Variants in PTPRM observed in about 807,000 individuals in gnomAD.
PTPRM encodes the protein receptor-type tyrosine-protein phosphatase mu.
In PTPRM, 47 loss-of-function variants were observed where a neutral mutation model predicts 186.7. The ratio of observed to expected loss-of-function variants is 0.25; its 90% CI spans 0.20 to 0.32. PTPRM has a LOEUF of 0.32. Ranked by LOEUF, PTPRM falls within the 10% of genes least tolerant of loss-of-function variation. The probability of loss-of-function intolerance (pLI) is 1.00; values close to 1 mark genes in which losing one functional copy is unlikely to be tolerated. For synonymous variants in PTPRM, 668 were observed against 674.9 expected (o/e 0.99, Z 0.16); for missense variants, 1,494 against 1,865.0 (o/e 0.80, Z 3.66).
intron 20 of PTPRM, among the ~76,000 whole-genome samples, chr18:8,301,386 T>C (rs1568698591): frequency 6.6e-6 from 1 of 151,920 alleles, no homozygotes; most frequent in Non-Finnish European, 1.5e-5. Flanking sequence ...CTCCTAATAC[T>C]CTCAACAGTT....
intron 1 of PTPRM, among the ~76,000 whole-genome samples, chr18:7,771,254 C>T (rs757489183): frequency 2.6e-5 from 4 of 152,202 alleles, no homozygotes; most frequent in Non-Finnish European, 5.9e-5. Context: ...TCTGTTTCCA[C>T]TGGGGGACCT....
chr18:7,897,456 A>C (rs543872264), intron 3 of PTPRM, among the ~76,000 whole-genome samples: 3 of 152,198 alleles, frequency 2.0e-5, no homozygotes, highest in Non-Finnish European at 4.4e-5. Flanking sequence ...CAAGCAGGAA[A>C]GCTAGTCTAG....
intron 11 of PTPRM, among the ~76,000 whole-genome samples, chr18:8,097,612 T>C (rs114384054): frequency 1.7e-4 from 26 of 152,312 alleles, no homozygotes; most frequent in African/African-American, 6.3e-4. Flanking sequence ...ATAAAAGCTG[T>C]CTAGAAAAGT....
At chr18:8,144,433 G>A (rs2092834208) in intron 14 of PTPRM, among the ~76,000 whole-genome samples, 1 of 152,122 alleles carries the variant, frequency 6.6e-6, no homozygotes. Context: ...ACCAGCCTGG[G>A]CAACATGACA....
chr18:7,610,691 G>A (rs1327697464), intron 1 of PTPRM, among the ~76,000 whole-genome samples: 2 of 152,186 alleles, frequency 1.3e-5, no homozygotes, highest in Non-Finnish European at 2.9e-5. Flanking sequence ...TGTGTTTGTG[G>A]TGATGCTGGT....
intron 14 of PTPRM, among the ~76,000 whole-genome samples, chr18:8,241,149 G>A (rs1568586061): frequency 6.6e-6 from 1 of 152,058 alleles, no homozygotes; most frequent in Non-Finnish European, 1.5e-5. Flanking sequence ...CCAACATGGC[G>A]AAACCCCACC....
chr18:7,693,140 C>G (rs1468430090), intron 1 of PTPRM, among the ~76,000 whole-genome samples: 1 of 152,136 alleles, frequency 6.6e-6, no homozygotes, highest in African/African-American at 2.4e-5. Context: ...GGACTGCAGA[C>G]CAGCCTGCCT....
chr18:7,939,049 T>C (rs571818506), intron 5 of PTPRM, among the ~76,000 whole-genome samples: 104 of 152,312 alleles, frequency 6.8e-4, no homozygotes, highest in African/African-American at 2.3e-3. Flanking sequence ...AGATTCTTCT[T>C]TGAGATGTTC....
chr18:7,896,301 C>T (rs975996478), intron 3 of PTPRM, among the ~76,000 whole-genome samples: 1 of 152,158 alleles, frequency 6.6e-6, no homozygotes, highest in African/African-American at 2.4e-5. Flanking sequence ...TTTGATTCTG[C>T]ACCCCCGCCT....
At chr18:8,006,745 G>C (rs2084210886) in intron 7 of PTPRM, among the ~76,000 whole-genome samples, 1 of 152,150 alleles carries the variant, frequency 6.6e-6, no homozygotes, top group Non-Finnish European at 1.5e-5. Context: ...ACAGTTCTTT[G>C]TCTTCCCTGG....
At chr18:8,118,811 A>AAAAATATATATAT (rs372020679) in intron 13 of PTPRM, among the ~76,000 whole-genome samples, 7 of 128,370 alleles carry the variant, frequency 5.5e-5, no homozygotes, top group African/African-American at 2.0e-4. Context: ...AAAAAAAAAA[A>AAAAATATATATAT]ATATATATAT....
intron 14 of PTPRM, among the ~76,000 whole-genome samples, chr18:8,225,353 C>T (rs2094200573): frequency 6.6e-6 from 1 of 151,346 alleles, no homozygotes; most frequent in African/African-American, 2.4e-5. Flanking sequence ...GAGTATCTCA[C>T]CTTTGGCCAA....
intron 1 of PTPRM, among the ~76,000 whole-genome samples, chr18:7,669,872 G>A (rs1000210647): frequency 1.3e-4 from 20 of 152,078 alleles, no homozygotes; most frequent in Admixed American, 9.2e-4. Flanking sequence ...ACAAGCACCT[G>A]CCACCAAGCC....
At chr18:8,157,953 C>T (rs751510193) in intron 14 of PTPRM, among the ~76,000 whole-genome samples, 3 of 152,202 alleles carry the variant, frequency 2.0e-5, no homozygotes, top group Non-Finnish European at 2.9e-5. Context: ...ACTCCCTGAG[C>T]CTCTCCTCAG....
chr18:8,353,954 G>A (rs912766344), intron 23 of PTPRM, among the ~76,000 whole-genome samples: 14 of 152,234 alleles, frequency 9.2e-5, no homozygotes, highest in African/African-American at 2.7e-4. Context: ...GCTCACACCT[G>A]TAATCCCAGC....
At chr18:8,285,416 G>C (rs578009510) in intron 19 of PTPRM, among the ~76,000 whole-genome samples, 1 of 152,270 alleles carries the variant, frequency 6.6e-6, no homozygotes, top group African/African-American at 2.4e-5. Flanking sequence ...AGTGTGAGAT[G>C]CAAACAACTG....
chr18:7,849,651 CT>C (rs1374202553), intron 2 of PTPRM, among the ~76,000 whole-genome samples: 1 of 152,136 alleles, frequency 6.6e-6, no homozygotes, highest in Non-Finnish European at 1.5e-5. Flanking sequence ...GATATGTATA[CT>C]TTTTGGAAAT....
chr18:8,336,776 G>A (rs996305314), intron 22 of PTPRM, among the ~76,000 whole-genome samples: 2 of 152,064 alleles, frequency 1.3e-5, no homozygotes, highest in South Asian at 2.1e-4. Flanking sequence ...TCAGGAGATC[G>A]AGACGTTGGT....
intron 20 of PTPRM, among the ~76,000 whole-genome samples, chr18:8,299,658 A>G (rs1235227624): frequency 1.3e-5 from 2 of 152,166 alleles, no homozygotes; most frequent in South Asian, 2.1e-4. Context: ...AGTCTAGTGC[A>G]GGGGGTTGGC....
Sources: gnomAD v4.1 joint callset for allele counts (sites outside exome capture counted in the v4.1 genomes callset) on GRCh38, gnomAD v4.1.1 for gene constraint, MANE v1.5 for transcripts, NCBI Gene and HGNC (gene_info 2026-07-23, HGNC 2026-07-21) for gene names.